DDX10: variants seen among roughly 807,000 people sequenced by gnomAD.
DDX10 encodes the protein DEAD-box helicase 10, also known as probable ATP-dependent RNA helicase DDX10.
In DDX10, 74 loss-of-function variants were observed where a neutral mutation model predicts 104.3. The observed-to-expected ratio is 0.71, with a 90% CI of 0.59 to 0.86. The LOEUF is 0.86. Among genes scored for constraint, DDX10 ranks in the 40% least tolerant of loss-of-function variants. The probability of loss-of-function intolerance (pLI) is 0.00; values close to 1 mark genes in which losing one functional copy is unlikely to be tolerated. For synonymous variants in DDX10, 351 were observed against 353.4 expected, an observed-to-expected ratio of 0.99 and a Z score of 0.08; for missense variants, 952 against 1,040.0, an observed-to-expected ratio of 0.92 and a Z score of 1.16.
chr11:108,694,234 G>A (rs917581162), intron 9 of DDX10, among the ~76,000 whole-genome samples: 2 of 152,046 alleles, frequency 1.3e-5, no homozygotes, highest in African/African-American at 2.4e-5. Context: ...CACAGAAAGC[G>A]AAACCACAGA....
chr11:108,806,930 T>C (rs1360218555), intron 13 of DDX10, among the ~76,000 whole-genome samples: 1 of 152,194 alleles, frequency 6.6e-6, no homozygotes, highest in Admixed American at 6.5e-5. Context: ...TATGTGCCTA[T>C]GATAAGGAAT....
In DDX10 at chr11:108,886,381, C is replaced by G. The variant is rs768495999; in HGVS notation, c.2305-31492C>G. Among the ~76,000 whole-genome samples the G allele has an allele frequency of 9.3e-4, 141 of 152,308 alleles. 1 individual carries two copies. The highest frequency in any genetic ancestry group is 9.0e-4 in the Non-Finnish European group (61 of 68,016). On this transcript the variant is annotated intron_variant, in intron 16 of 17. Coordinates refer to ENST00000322536, the MANE Select transcript of DDX10 (RefSeq NM_004398.4). ...TAGGGTTCAAACTCAGAGCTTTTAG[C>G]TCTACAGTCTGTCTTCTTCCTCTGA...
intron 13 of DDX10, among the ~76,000 whole-genome samples, chr11:108,835,367 C>T (rs1206154679): frequency 1.3e-5 from 2 of 151,934 alleles, no homozygotes; most frequent in Non-Finnish European, 2.9e-5. Flanking sequence ...AGTCACGGAC[C>T]CCTGGGAGGT....
intron 13 of DDX10, among the ~76,000 whole-genome samples, chr11:108,833,509 A>G (rs1862501865): frequency 6.6e-6 from 1 of 152,218 alleles, no homozygotes; most frequent in South Asian, 2.1e-4. Context: ...ACAGGAAAAT[A>G]TGATAAGCCT....
chr11:108,723,520 T>C (rs2094301484), intron 13 of DDX10, 58 bp downstream of exon 13: 1 of 1,503,414 alleles, frequency 6.7e-7, no homozygotes, highest in South Asian at 1.4e-5. Context: ...GTGCTTATTG[T>C]TGCCTTTTGG....
chr11:108,773,523 C>CT (rs2094366017), intron 13 of DDX10, among the ~76,000 whole-genome samples: 1 of 151,976 alleles, frequency 6.6e-6, no homozygotes, highest in South Asian at 2.1e-4. Context: ...TTTTCTCTCC[C>CT]TTTTCTGCTT....
At chr11:108,745,587 CCACTTA>C (rs768280957) in intron 13 of DDX10, among the ~76,000 whole-genome samples, 8 of 152,110 alleles carry the variant, frequency 5.3e-5, no homozygotes, top group Non-Finnish European at 8.8e-5. Context: ...ACTACTGTGA[CCACTTA>C]CTTAGTGCCA....
intron 13 of DDX10, among the ~76,000 whole-genome samples, chr11:108,741,320 CA>C (rs2094324973): frequency 6.6e-6 from 1 of 151,942 alleles, no homozygotes; most frequent in Non-Finnish European, 1.5e-5. Flanking sequence ...ATTTTAAAGT[CA>C]TTTTTTTTCT....
chr11:108,882,673 T>A (rs1229750383), intron 16 of DDX10, among the ~76,000 whole-genome samples: 3 of 152,208 alleles, frequency 2.0e-5, no homozygotes, highest in African/African-American at 7.2e-5. Flanking sequence ...TTTTCATTGA[T>A]GGATGGGAAG....
chr11:108,844,705 C>G (rs530908511), intron 15 of DDX10, among the ~76,000 whole-genome samples: 1 of 151,982 alleles, frequency 6.6e-6, no homozygotes, highest in Non-Finnish European at 1.5e-5. Context: ...TAGTCACTGA[C>G]TGGGACTTTG....
At chr11:108,862,383 A>G (rs888308195) in intron 16 of DDX10, among the ~76,000 whole-genome samples, 7 of 152,164 alleles carry the variant, frequency 4.6e-5, no homozygotes, top group Non-Finnish European at 8.8e-5. Context: ...CTTTCAGCCT[A>G]GATATTTTAA....
At chr11:108,823,127 A>G (rs1476088280) in intron 13 of DDX10, among the ~76,000 whole-genome samples, 3 of 152,166 alleles carry the variant, frequency 2.0e-5, no homozygotes, top group African/African-American at 7.2e-5. Flanking sequence ...TGTTTTTTTA[A>G]AATCACCACT....
intron 17 of DDX10, chr11:108,919,634 T>C (rs1174690280): frequency 6.6e-6 from 1 of 152,244 alleles, no homozygotes; most frequent in Non-Finnish European, 1.5e-5. Flanking sequence ...CATTAATTGG[T>C]TCTTGCATTT....
intron 6 of DDX10, among the ~76,000 whole-genome samples, chr11:108,681,094 C>T (rs879480499): frequency 4.6e-5 from 7 of 151,992 alleles, no homozygotes; most frequent in Non-Finnish European, 8.8e-5. Flanking sequence ...TTTCTGTTTG[C>T]CTCCAGCCTA....
intron 13 of DDX10, among the ~76,000 whole-genome samples, chr11:108,737,640 C>G (rs1292647494): frequency 2.6e-5 from 4 of 152,148 alleles, no homozygotes; most frequent in African/African-American, 4.8e-5. Context: ...AGATAGATAT[C>G]ACTTATTGCA....
chr11:108,788,334 C>G (rs1028137417), intron 13 of DDX10, among the ~76,000 whole-genome samples: 5 of 151,824 alleles, frequency 3.3e-5, no homozygotes, highest in African/African-American at 1.2e-4. Flanking sequence ...GATCATGACT[C>G]TATACAGAAT....
At chr11:108,858,680 C>A (rs1173657197) in intron 16 of DDX10, among the ~76,000 whole-genome samples, 1 of 152,140 alleles carries the variant, frequency 6.6e-6, no homozygotes, top group Non-Finnish European at 1.5e-5. Context: ...CCATTAGAAT[C>A]CTTCACGCAT....
intron 16 of DDX10, among the ~76,000 whole-genome samples, chr11:108,855,616 C>T (rs1183464866): frequency 4.6e-5 from 7 of 152,096 alleles, no homozygotes; most frequent in African/African-American, 1.4e-4. Flanking sequence ...TGTGCCACCA[C>T]GCCCAGCTAA....
intron 16 of DDX10, among the ~76,000 whole-genome samples, chr11:108,913,463 A>G (rs1027495129): frequency 6.6e-6 from 1 of 152,074 alleles, no homozygotes; most frequent in South Asian, 2.1e-4. Flanking sequence ...TCAGATAAGC[A>G]TTTGTCTCAC....
Sources: gnomAD v4.1 joint callset for allele counts (sites outside exome capture counted in the v4.1 genomes callset) on GRCh38, gnomAD v4.1.1 for gene constraint, MANE v1.5 for transcripts, NCBI Gene and HGNC (gene_info 2026-07-23, HGNC 2026-07-21) for gene names.